Variants in AGBL1 observed in about 807,000 individuals in gnomAD.
AGBL1 encodes AGBL carboxypeptidase 1.
AGBL1 carries 130 observed loss-of-function variants against 118.9 expected under a neutral mutation model. The observed-to-expected ratio is 1.09, with a 90% confidence interval of 0.95 to 1.26. The LOEUF (loss-of-function observed/expected upper bound fraction) is 1.26. Among genes scored for constraint, AGBL1 ranks in the 50% most tolerant of loss-of-function variants. AGBL1 has a pLI of 0.00. For missense variants in AGBL1, 1,584 were observed against 1,298.1 expected (o/e 1.22, Z -3.38); for synonymous variants, 555 against 478.9 (o/e 1.16, Z -2.08).
intron 24 of AGBL1, among the ~76,000 whole-genome samples, chr15:86,996,471 C>T (rs1010929114): frequency 2.6e-5 from 4 of 152,158 alleles, no homozygotes; most frequent in African/African-American, 9.7e-5. Flanking sequence ...CACCCCTGTT[C>T]TTGCATGTAG....
At chr15:86,738,905 A>T (rs1374342441) in intron 22 of AGBL1, among the ~76,000 whole-genome samples, 1 of 152,030 alleles carries the variant, frequency 6.6e-6, no homozygotes, top group African/African-American at 2.4e-5. Flanking sequence ...TTGGGAGTCC[A>T]AGGCAGGAGG....
At chr15:86,715,966 T>C (rs1183389866) in intron 22 of AGBL1, among the ~76,000 whole-genome samples, 1 of 150,412 alleles carries the variant, frequency 6.6e-6, no homozygotes, top group East Asian at 2.0e-4. Flanking sequence ...AGGCTGAGGC[T>C]GAGGCAGGAG....
chr15:86,919,239 C>T (rs528220847), downstream of AGBL1, among the ~76,000 whole-genome samples: 5 of 152,270 alleles, frequency 3.3e-5, no homozygotes, highest in African/African-American at 7.2e-5. Context: ...TCAACAAGAC[C>T]GCTTAGCAAA....
At chr15:86,697,534 G>A (rs1004591283) in intron 22 of AGBL1, among the ~76,000 whole-genome samples, 1 of 148,686 alleles carries the variant, frequency 6.7e-6, no homozygotes, top group Non-Finnish European at 1.5e-5. Context: ...TTAAGTTGGA[G>A]TTCACTTTTC....
At chr15:86,092,846 T>A (rs1896123495) in intron 1 of AGBL1, among the ~76,000 whole-genome samples, 1 of 152,112 alleles carries the variant, frequency 6.6e-6, no homozygotes, top group Non-Finnish European at 1.5e-5. Context: ...CCCGAGATAA[T>A]AAACCTACTC....
At chr15:86,230,648 A>G (rs1739602779) in intron 6 of AGBL1, among the ~76,000 whole-genome samples, 1 of 152,216 alleles carries the variant, frequency 6.6e-6, no homozygotes, top group Admixed American at 6.5e-5. Context: ...AGACTACGAG[A>G]ACTGGAAAAC....
chr15:86,752,683 T>G (rs957557081), intron 22 of AGBL1, among the ~76,000 whole-genome samples: 1 of 152,070 alleles, frequency 6.6e-6, no homozygotes, highest in African/African-American at 2.4e-5. Flanking sequence ...CAGACTGACA[T>G]TAAGGATGAC....
At chr15:86,471,389 C>A (rs563642120) in intron 18 of AGBL1, among the ~76,000 whole-genome samples, 12 of 152,150 alleles carry the variant, frequency 7.9e-5, no homozygotes, top group Admixed American at 7.9e-4. Flanking sequence ...ATCTCAGGGA[C>A]AAATTCCACT....
rs371185730 is a variant in AGBL1, at chr15:86,247,900, C to T, written c.735+21C>T. 9.3e-6 allele frequency: 15 copies of T among 1,612,722 alleles called. No individual in the cohort carries two copies. In the East Asian group the frequency reaches 1.8e-4, roughly 19 times the overall value. On this transcript the variant is annotated intron_variant, in intron 7 of 22. Transcript: ENST00000614907. ...CACAGGCAGGCAGCATGGGGATTCA[C>T]TCTGCAGCTGGAGGCCAGCTGGGTG...
At chr15:86,540,676 A>G (rs1035312093) in intron 19 of AGBL1, among the ~76,000 whole-genome samples, 2 of 152,202 alleles carry the variant, frequency 1.3e-5, no homozygotes, top group South Asian at 2.1e-4. Flanking sequence ...GAAAAGAAGT[A>G]TAAGTATTAA....
intron 21 of AGBL1, among the ~76,000 whole-genome samples, chr15:86,638,487 T>C (rs1186130588): frequency 6.6e-6 from 1 of 152,106 alleles, no homozygotes; most frequent in African/African-American, 2.4e-5. Context: ...GTGTGGGTAG[T>C]GAGTGTTGAG....
chr15:86,164,729 G>A (rs945681853), intron 5 of AGBL1, among the ~76,000 whole-genome samples: 1 of 152,142 alleles, frequency 6.6e-6, no homozygotes, highest in African/African-American at 2.4e-5. Context: ...TGCTTTATAA[G>A]TATCATAGCC....
intron 16 of AGBL1, among the ~76,000 whole-genome samples, chr15:86,288,158 T>A (rs907065388): frequency 6.6e-6 from 1 of 152,168 alleles, no homozygotes; most frequent in Admixed American, 6.6e-5. Flanking sequence ...CTACATTTAG[T>A]CTAGATTTTG....
At chr15:86,809,579 G>T (rs1462694720) in intron 22 of AGBL1, among the ~76,000 whole-genome samples, 1 of 152,092 alleles carries the variant, frequency 6.6e-6, no homozygotes, top group Admixed American at 6.6e-5. Context: ...CTACTTCATT[G>T]GCTGGAACAT....
chr15:86,740,140 T>C (rs2077656874), intron 22 of AGBL1, among the ~76,000 whole-genome samples: 1 of 152,218 alleles, frequency 6.6e-6, no homozygotes, highest in African/African-American at 2.4e-5. Context: ...AGCAAGTACA[T>C]TTCATTCACT....
chr15:86,467,348 G>A (rs577935806), intron 18 of AGBL1, among the ~76,000 whole-genome samples: 2 of 152,316 alleles, frequency 1.3e-5, no homozygotes, highest in East Asian at 1.9e-4. Flanking sequence ...ATCCAAGGTC[G>A]ACTTCAGACT....
intron 22 of AGBL1, among the ~76,000 whole-genome samples, chr15:86,712,448 GAGATT>G (rs2086575281): frequency 6.6e-6 from 1 of 151,922 alleles, no homozygotes; most frequent in Non-Finnish European, 1.5e-5. Context: ...TAAACACTGA[GAGATT>G]AGGCAATTGG....
chr15:86,638,675 T>TG (rs1477882134), intron 21 of AGBL1, among the ~76,000 whole-genome samples: 1 of 152,170 alleles, frequency 6.6e-6, no homozygotes, highest in African/African-American at 2.4e-5. Context: ...GAGGACTTAG[T>TG]GGGGAGATGA....
chr15:86,100,213 T>C (rs923823973), intron 1 of AGBL1, among the ~76,000 whole-genome samples: 1 of 152,234 alleles, frequency 6.6e-6, no homozygotes, highest in Admixed American at 6.5e-5. Context: ...ATTCTTTTTA[T>C]GATGCATGTT....
Sources: gnomAD v4.1 joint callset for allele counts (sites outside exome capture counted in the v4.1 genomes callset) on GRCh38, gnomAD v4.1.1 for gene constraint, MANE v1.5 for transcripts, NCBI Gene and HGNC (gene_info 2026-07-23, HGNC 2026-07-21) for gene names.